ADGRB3: variants seen among roughly 807,000 people sequenced by gnomAD.
ADGRB3 encodes the protein adhesion G protein-coupled receptor B3.
In ADGRB3, 37 loss-of-function variants were observed where a neutral mutation model predicts 193.4. The ratio of observed to expected loss-of-function variants is 0.19; its 90% CI spans 0.15 to 0.25. ADGRB3 has a LOEUF of 0.25. ADGRB3 is among the 10% of genes least tolerant of loss of function. The pLI, the probability that ADGRB3 is intolerant of heterozygous loss-of-function variation, is 1.00. For synonymous variants in ADGRB3, 690 were observed against 644.2 expected, an observed-to-expected ratio of 1.07 and a Z score of -1.08; for missense variants, 1,637 against 1,852.9, an observed-to-expected ratio of 0.88 and a Z score of 2.14.
chr6:68,904,073 G>A (rs1410550992), intron 3 of ADGRB3, among the ~76,000 whole-genome samples: 1 of 128,728 alleles, frequency 7.8e-6, no homozygotes, highest in African/African-American at 3.0e-5. Flanking sequence ...GAGGGAAGGA[G>A]GGAGGGCTGG....
intron 3 of ADGRB3, among the ~76,000 whole-genome samples, chr6:68,797,976 T>G (rs1767242761): frequency 6.6e-6 from 1 of 152,172 alleles, no homozygotes; most frequent in Non-Finnish European, 1.5e-5. Context: ...TCTATTCTTG[T>G]CATGCTTTCA....
intron 3 of ADGRB3, among the ~76,000 whole-genome samples, chr6:68,911,514 G>GTA (rs1766709753): frequency 6.6e-6 from 1 of 151,990 alleles, no homozygotes; most frequent in Non-Finnish European, 1.5e-5. Flanking sequence ...TCAGTGTGAT[G>GTA]CTCTGGATAC....
At chr6:69,360,032 T>C (rs1002659948) in intron 28 of ADGRB3, among the ~76,000 whole-genome samples, 5 of 151,836 alleles carry the variant, frequency 3.3e-5, no homozygotes, top group African/African-American at 1.2e-4. Context: ...TTATTTACTC[T>C]TTTGTTGATT....
chr6:69,114,891 T>A (rs1225416246), intron 17 of ADGRB3, among the ~76,000 whole-genome samples: 1 of 152,160 alleles, frequency 6.6e-6, no homozygotes, highest in Non-Finnish European at 1.5e-5. Context: ...AAAACCACAA[T>A]GAGATACCAT....
At chr6:69,183,882 A>G (rs1398953544) in intron 17 of ADGRB3, among the ~76,000 whole-genome samples, 2 of 152,252 alleles carry the variant, frequency 1.3e-5, no homozygotes, top group Non-Finnish European at 2.9e-5. Context: ...GACATGGACA[A>G]TGCAAATAAA....
rs74965977 is a variant in ADGRB3 at position 68,725,080 on chromosome 6, C to T, written c.757+85648C>T. ...GAGAAGGCTTCACAGATTAGAAAAG[C>T]ATTGGTATAGTCTAGGCGGAAGAGA... On this transcript the variant is annotated intron_variant, in intron 3 of 31. Transcript: ENST00000370598. 7.6e-4 allele frequency among the ~76,000 whole-genome samples: 116 copies of T among 151,668 alleles called. 1 individual carries two copies. The East Asian group carries it at 0.022, about 28-fold the overall frequency.
chr6:69,074,062 T>G (rs1051664028), intron 16 of ADGRB3, among the ~76,000 whole-genome samples: 1 of 152,154 alleles, frequency 6.6e-6, no homozygotes, highest in African/African-American at 2.4e-5. Context: ...ATGACTAAAT[T>G]TCCATCCAGA....
chr6:69,262,738 ATTC>A (rs1321833000), intron 20 of ADGRB3, among the ~76,000 whole-genome samples: 1 of 151,998 alleles, frequency 6.6e-6, no homozygotes. Context: ...TATTGTAACA[ATTC>A]TTCTTTTATT....
At chr6:69,007,683 TCTCTCTCTCTCACACA>T (rs1363746131) in intron 11 of ADGRB3, among the ~76,000 whole-genome samples, 41 of 76,704 alleles carry the variant, frequency 5.3e-4, no homozygotes, top group African/African-American at 1.8e-3. Flanking sequence ...TCTCTCTCTC[TCTCTCTCTCTCACACA>T]CACACACACA....
intron 3 of ADGRB3, among the ~76,000 whole-genome samples, chr6:68,644,731 A>T (rs1175797773): frequency 6.6e-6 from 1 of 152,200 alleles, no homozygotes; most frequent in East Asian, 1.9e-4. Flanking sequence ...ATTAAGGAGT[A>T]GTTCATGTAT....
intron 11 of ADGRB3, among the ~76,000 whole-genome samples, chr6:69,012,936 A>G (rs976830372): frequency 6.6e-6 from 1 of 151,954 alleles, no homozygotes; most frequent in East Asian, 1.9e-4. Flanking sequence ...TTAATGTATC[A>G]GTATGAAGTA....
chr6:68,957,462 G>T (rs552617633), intron 8 of ADGRB3, among the ~76,000 whole-genome samples: 1 of 152,252 alleles, frequency 6.6e-6, no homozygotes, highest in East Asian at 1.9e-4. Flanking sequence ...CAGGATTTTA[G>T]AATGAGATCC....
intron 3 of ADGRB3, among the ~76,000 whole-genome samples, chr6:68,805,727 C>G (rs77245763): frequency 0.023 from 3,507 of 152,208 alleles, 65 homozygotes; most frequent in South Asian, 0.076. Context: ...ATCCCAGAGC[C>G]TACCATAATG....
At chr6:68,648,312 G>T (rs1473170575) in intron 3 of ADGRB3, among the ~76,000 whole-genome samples, 4 of 152,100 alleles carry the variant, frequency 2.6e-5, no homozygotes, top group African/African-American at 9.7e-5. Context: ...GATGATGCCT[G>T]AGGCATGTTA....
At chr6:69,265,133 T>C (rs761635081) in intron 20 of ADGRB3, among the ~76,000 whole-genome samples, 1 of 151,902 alleles carries the variant, frequency 6.6e-6, no homozygotes, top group South Asian at 2.1e-4. Flanking sequence ...GAATCGCCCA[T>C]AGAGCTTTTT....
chr6:69,190,546 A>G (rs1765165653), intron 17 of ADGRB3, among the ~76,000 whole-genome samples: 1 of 152,100 alleles, frequency 6.6e-6, no homozygotes, highest in African/African-American at 2.4e-5. Flanking sequence ...AAGTTACAGT[A>G]TGTGTGTATA....
At chr6:68,830,345 T>C (rs1019635431) in intron 3 of ADGRB3, among the ~76,000 whole-genome samples, 1 of 152,178 alleles carries the variant, frequency 6.6e-6, no homozygotes, top group Non-Finnish European at 1.5e-5. Context: ...GAATTTATAA[T>C]GTGAACCACC....
rs181716036 is a variant in ADGRB3, at chr6:69,382,955, A to T, written c.4380+20A>T. The T allele has an allele frequency of 2.1e-5, 32 of 1,494,086 alleles. No individual in the cohort carries two copies. The highest frequency in any genetic ancestry group is 3.0e-5 in the Non-Finnish European group (32 of 1,078,710). 92.6% of individuals were successfully genotyped at this position (1,494,086 alleles called of 1,614,324 possible). Reference sequence around the variant, plus strand: ...AGTATGGTAAGTATGCTTTGCTTCAATGCCTGAGTAGAAGATGCATCATGT... The same window carrying T: ...AGTATGGTAAGTATGCTTTGCTTCATTGCCTGAGTAGAAGATGCATCATGT... On this transcript the variant is annotated intron_variant, in intron 31 of 31. Transcript: ENST00000370598.
intron 17 of ADGRB3, among the ~76,000 whole-genome samples, chr6:69,101,086 A>C (rs1368505195): frequency 6.6e-6 from 1 of 151,712 alleles, no homozygotes. Context: ...ATAAGATTTT[A>C]TGTCCTACAT....
Sources: allele counts gnomAD v4.1 joint callset (sites outside exome capture counted in the v4.1 genomes callset), GRCh38; gene constraint gnomAD v4.1.1; transcripts MANE v1.5; gene names NCBI Gene and HGNC (gene_info 2026-07-23, HGNC 2026-07-21).